Variants in CADM2 observed in about 807,000 individuals in gnomAD.
CADM2 encodes the protein immunoglobulin superfamily member 4D.
A neutral mutation model predicts 49.8 loss-of-function variants in CADM2; 12 were observed. The ratio of observed to expected loss-of-function variants is 0.24; its 90% CI spans 0.15 to 0.39. The LOEUF is 0.39. Among genes scored for constraint, CADM2 ranks in the 10% least tolerant of loss-of-function variants. CADM2 has a pLI of 1.00. For synonymous variants in CADM2, 214 were observed against 175.4 expected (o/e 1.22, Z -1.74); for missense variants, 378 against 492.3 (o/e 0.77, Z 2.20).
intron 1 of CADM2, among the ~76,000 whole-genome samples, chr3:85,449,562 T>A (rs2037655757): frequency 6.6e-6 from 1 of 151,744 alleles, no homozygotes; most frequent in Non-Finnish European, 1.5e-5. Flanking sequence ...ATATAAGGTT[T>A]TTTTTTTTCT....
chr3:85,756,828 A>G (rs2069146560), intron 2 of CADM2, among the ~76,000 whole-genome samples: 1 of 152,166 alleles, frequency 6.6e-6, no homozygotes, highest in South Asian at 2.1e-4. Flanking sequence ...AATCAACTCT[A>G]TGATTTTAAG....
intron 1 of CADM2, among the ~76,000 whole-genome samples, chr3:85,270,153 T>C (rs971768694): frequency 6.6e-6 from 1 of 151,318 alleles, no homozygotes; most frequent in Non-Finnish European, 1.5e-5. Flanking sequence ...CTGAATTTAT[T>C]GACCTGAGAT....
At chr3:85,500,804 A>G (rs1443270012) in intron 1 of CADM2, among the ~76,000 whole-genome samples, 1 of 152,126 alleles carries the variant, frequency 6.6e-6, no homozygotes, top group East Asian at 1.9e-4. Context: ...GGTGTGAGCC[A>G]CCGTGCCCAG....
chr3:85,221,597 G>GT (rs1432701624), intron 1 of CADM2, among the ~76,000 whole-genome samples: 1 of 152,028 alleles, frequency 6.6e-6, no homozygotes. Flanking sequence ...TATGGTTACT[G>GT]TTTTTTATGT....
intron 8 of CADM2, chr3:86,014,083 G>T: frequency 2.3e-6 from 3 of 1,291,130 alleles, no homozygotes; most frequent in South Asian, 3.1e-5. Flanking sequence ...TAAGAAAGGG[G>T]TAAAGAACTG....
At chr3:85,343,088 T>C (rs770117179) in intron 1 of CADM2, among the ~76,000 whole-genome samples, 10 of 152,178 alleles carry the variant, frequency 6.6e-5, no homozygotes, top group Admixed American at 2.0e-4. Context: ...ACATTTGTCA[T>C]TGTCACGCTG....
chr3:85,065,392 A>G (rs1211580595), intron 1 of CADM2, among the ~76,000 whole-genome samples: 1 of 152,046 alleles, frequency 6.6e-6, no homozygotes, highest in Admixed American at 6.6e-5. Flanking sequence ...TTTAGGTTTA[A>G]CTACTATTAA....
At chr3:85,544,911 G>C (rs182032760) in intron 1 of CADM2, among the ~76,000 whole-genome samples, 1 of 152,248 alleles carries the variant, frequency 6.6e-6, no homozygotes, top group Admixed American at 6.5e-5. Flanking sequence ...TAGATCTTGA[G>C]CGGTGCTTTG....
chr3:85,523,053 C>T lies in CADM2; in HGVS notation c.62-203469C>T, dbSNP rs1305887694. Among the ~76,000 whole-genome samples, 4 of 151,322 alleles carry T rather than the reference C, an allele frequency of 2.6e-5. No individual in the cohort carries two copies. In the East Asian group the frequency reaches 7.7e-4, roughly 29 times the overall value. On this transcript the variant is annotated intron_variant, in intron 1 of 9. Coordinates refer to ENST00000383699, the MANE Select transcript of CADM2 (RefSeq NM_001167675.2). ...CAACAAATATTTCTTTTGATCAGAC[C>T]CCCACACATTTGCTAGATTAAATTT...
At position 85,425,388 on chromosome 3, in the gene CADM2, G is replaced by A. The variant is rs1364973186; in HGVS notation, c.62-301134G>A. On this transcript the variant is annotated intron_variant, in intron 1 of 9. Transcript: ENST00000383699. Reference sequence around the variant, plus strand: ...TATTTTTAGTTGATGCATAGTAATTGTACATATTTATGGGCTACACAGTGT... The same window carrying A: ...TATTTTTAGTTGATGCATAGTAATTATACATATTTATGGGCTACACAGTGT... Among the ~76,000 whole-genome samples the A allele has an allele frequency of 2.0e-5, 3 of 152,076 alleles. No homozygotes were observed. In the East Asian group the frequency reaches 5.8e-4, roughly 29 times the overall value.
chr3:86,009,277 G>A (rs1214129926), intron 8 of CADM2, among the ~76,000 whole-genome samples: 1 of 148,744 alleles, frequency 6.7e-6, no homozygotes, highest in Non-Finnish European at 1.5e-5. Flanking sequence ...AAGCAAAATG[G>A]TATATACGTA....
intron 8 of CADM2, among the ~76,000 whole-genome samples, chr3:85,997,814 G>A (rs1729617948): frequency 6.6e-6 from 1 of 152,122 alleles, no homozygotes; most frequent in African/African-American, 2.4e-5. Context: ...GTTCTTTATA[G>A]GGACAGAACT....
intron 1 of CADM2, among the ~76,000 whole-genome samples, chr3:85,370,412 ACT>A (rs1358120260): frequency 6.7e-6 from 1 of 149,124 alleles, no homozygotes; most frequent in East Asian, 1.9e-4. Context: ...ACAGAGTGAG[ACT>A]CTGTCTCAAA....
chr3:85,455,030 C>T (rs1405664738), intron 1 of CADM2, among the ~76,000 whole-genome samples: 1 of 152,156 alleles, frequency 6.6e-6, no homozygotes, highest in Non-Finnish European at 1.5e-5. Flanking sequence ...ACTTTGTGGA[C>T]AAATTAGCTA....
chr3:86,064,568 C>T (rs1240542106), intron 8 of CADM2, among the ~76,000 whole-genome samples: 1 of 152,048 alleles, frequency 6.6e-6, no homozygotes, highest in Non-Finnish European at 1.5e-5. Context: ...TGGGTATATA[C>T]CCAGTAATGG....
intron 1 of CADM2, among the ~76,000 whole-genome samples, chr3:85,536,034 A>G (rs529626464): frequency 6.6e-6 from 1 of 152,264 alleles, no homozygotes; most frequent in East Asian, 1.9e-4. Flanking sequence ...ATTGTAGCAC[A>G]TGAAAAAATA....
At chr3:85,372,193 A>G (rs1408842126) in intron 1 of CADM2, among the ~76,000 whole-genome samples, 5 of 152,060 alleles carry the variant, frequency 3.3e-5, no homozygotes, top group Admixed American at 3.3e-4. Context: ...ATTTGATTTT[A>G]AATGAACCCA....
intron 5 of CADM2, among the ~76,000 whole-genome samples, chr3:85,905,396 A>G (rs1716666332): frequency 6.6e-6 from 1 of 152,190 alleles, no homozygotes; most frequent in South Asian, 2.1e-4. Flanking sequence ...AAATCAATTA[A>G]AGACTGACAA....
chr3:85,947,463 A>G (rs2088762146), intron 7 of CADM2, among the ~76,000 whole-genome samples: 1 of 151,492 alleles, frequency 6.6e-6, no homozygotes, highest in Non-Finnish European at 1.5e-5. Context: ...CAATTAACTA[A>G]TTAAAAATTA....
Sources: gnomAD v4.1 joint callset for allele counts (sites outside exome capture counted in the v4.1 genomes callset) on GRCh38, gnomAD v4.1.1 for gene constraint, MANE v1.5 for transcripts, NCBI Gene and HGNC (gene_info 2026-07-23, HGNC 2026-07-21) for gene names.